Variants in LUZP2 observed in about 807,000 individuals in gnomAD.
LUZP2 encodes leucine zipper protein 2.
In LUZP2, 52 loss-of-function variants were observed where a neutral mutation model predicts 51.6. The ratio of observed to expected loss-of-function variants is 1.01; its 90% confidence interval spans 0.81 to 1.27. LUZP2 has a LOEUF of 1.27. Among genes scored for constraint, LUZP2 ranks in the 50% most tolerant of loss-of-function variants. The probability of loss-of-function intolerance (pLI) is 0.00; values close to 1 mark genes in which losing one functional copy is unlikely to be tolerated. For synonymous variants in LUZP2, 154 were observed against 137.3 expected (o/e 1.12, Z -0.85); for missense variants, 436 against 395.4 (o/e 1.10, Z -0.87).
chr11:25,050,291 CTTT>C (rs71044331), intron 10 of LUZP2, among the ~76,000 whole-genome samples, 161 bp downstream of exon 10: 1,310 of 76,794 alleles, frequency 0.017, 2 homozygotes, highest in African/African-American at 0.066. Flanking sequence ...TCTTTATGTT[CTTT>C]TTTTTTTTTT....
intron 5 of LUZP2, among the ~76,000 whole-genome samples, chr11:24,816,129 T>C (rs914476262): frequency 3.9e-5 from 6 of 152,134 alleles, no homozygotes; most frequent in East Asian, 1.9e-4. Context: ...TTTATAATGA[T>C]AAAAAATAAT....
intron 5 of LUZP2, among the ~76,000 whole-genome samples, chr11:24,882,871 A>G (rs1168855528): frequency 7.4e-6 from 1 of 135,348 alleles, no homozygotes; most frequent in African/African-American, 3.8e-5. Context: ...AGGAAGAAAG[A>G]AAATAAAGAA....
intron 5 of LUZP2, among the ~76,000 whole-genome samples, chr11:24,886,208 A>G (rs191218010): frequency 1.3e-5 from 2 of 152,312 alleles, no homozygotes; most frequent in African/African-American, 4.8e-5. Flanking sequence ...TTTAGTAAAA[A>G]TATTTAGTTT....
At chr11:24,889,062 G>T (rs1036862815) in intron 5 of LUZP2, among the ~76,000 whole-genome samples, 2 of 152,090 alleles carry the variant, frequency 1.3e-5, no homozygotes, top group Non-Finnish European at 1.5e-5. Context: ...CCAATTGAGA[G>T]GTATTCCCTA....
intron 1 of LUZP2, among the ~76,000 whole-genome samples, chr11:24,687,914 T>G (rs1441803512): frequency 6.6e-6 from 1 of 152,114 alleles, no homozygotes; most frequent in Non-Finnish European, 1.5e-5. Context: ...TAAGTTCTCT[T>G]CCTGGGCACA....
intron 1 of LUZP2, among the ~76,000 whole-genome samples, chr11:24,645,061 C>A (rs870383): frequency 6.6e-6 from 1 of 152,040 alleles, no homozygotes; most frequent in Non-Finnish European, 1.5e-5. Flanking sequence ...GTTTATTTTA[C>A]ATTCCAATCC....
At chr11:24,970,791 C>A (rs970865335) in intron 7 of LUZP2, among the ~76,000 whole-genome samples, 17 of 152,240 alleles carry the variant, frequency 1.1e-4, no homozygotes, top group Admixed American at 7.2e-4. Flanking sequence ...GAAAAAATAA[C>A]AAGTAACACC....
chr11:24,906,071 T>C lies in LUZP2; in HGVS notation c.459+18T>C. On this transcript the variant is annotated intron_variant, in intron 6 of 11. Coordinates refer to ENST00000336930, the MANE Select transcript of LUZP2 (RefSeq NM_001009909.4). ...CAGAAGAGGTGAGTAAATTTTTGCT[T>C]CTTCTAGCTTTAACCAGATAAAAAC... 1 of 1,595,126 alleles carries C rather than the reference T, an allele frequency of 6.3e-7. No homozygotes were observed. The highest frequency in any genetic ancestry group is 1.1e-5 in the South Asian group (1 of 90,276).
chr11:24,955,410 G>A (rs1590769984), intron 7 of LUZP2, among the ~76,000 whole-genome samples: 3 of 151,762 alleles, frequency 2.0e-5, no homozygotes, highest in East Asian at 1.9e-4. Context: ...TATTTTAGAG[G>A]AGTATAAAAT....
intron 4 of LUZP2, among the ~76,000 whole-genome samples, chr11:24,758,193 A>T (rs1859843019): frequency 6.6e-6 from 1 of 152,136 alleles, no homozygotes; most frequent in Non-Finnish European, 1.5e-5. Context: ...ACACATCATG[A>T]TCAATGAAGG....
chr11:24,988,985 G>C (rs1188231580), intron 9 of LUZP2, among the ~76,000 whole-genome samples: 2 of 151,748 alleles, frequency 1.3e-5, no homozygotes, highest in Non-Finnish European at 2.9e-5. Context: ...AGAAAATAGG[G>C]AGGCAGCCAT....
chr11:24,564,996 T>A (rs1852168084), intron 1 of LUZP2, among the ~76,000 whole-genome samples: 1 of 152,196 alleles, frequency 6.6e-6, no homozygotes, highest in Non-Finnish European at 1.5e-5. Context: ...GATTTGGGGA[T>A]AGACACAGGC....
At chr11:24,566,790 A>ATG (rs1852242619) in intron 1 of LUZP2, among the ~76,000 whole-genome samples, 1 of 146,066 alleles carries the variant, frequency 6.8e-6, no homozygotes, top group African/African-American at 2.5e-5. Context: ...CATATATATA[A>ATG]TGTATATATA....
At chr11:24,678,405 A>G (rs981113087) in intron 1 of LUZP2, among the ~76,000 whole-genome samples, 17 of 152,300 alleles carry the variant, frequency 1.1e-4, no homozygotes, top group African/African-American at 3.8e-4. Context: ...GAATTTCCAC[A>G]TCCTTGTATA....
At chr11:24,877,665 C>G (rs919773902) in intron 5 of LUZP2, among the ~76,000 whole-genome samples, 3 of 152,022 alleles carry the variant, frequency 2.0e-5, no homozygotes, top group Admixed American at 6.6e-5. Context: ...CCCTGTTGTG[C>G]TATCAAATAC....
intron 5 of LUZP2, among the ~76,000 whole-genome samples, chr11:24,783,707 C>T (rs1849159457): frequency 6.6e-6 from 1 of 151,958 alleles, no homozygotes; most frequent in African/African-American, 2.4e-5. Flanking sequence ...CTACTGTTTG[C>T]TCCAGCAGTG....
chr11:24,919,540 T>G (rs1446791844), intron 7 of LUZP2, among the ~76,000 whole-genome samples: 1 of 143,064 alleles, frequency 7.0e-6, no homozygotes, highest in East Asian at 2.1e-4. Context: ...ATATACTGTA[T>G]ATGTATTCTT....
intron 5 of LUZP2, among the ~76,000 whole-genome samples, chr11:24,889,450 A>G (rs1852777394): frequency 6.6e-6 from 1 of 152,188 alleles, no homozygotes; most frequent in Non-Finnish European, 1.5e-5. Flanking sequence ...CAGATAAACT[A>G]TGTGATCTGT....
At chr11:24,497,489 T>C (rs775300528) in intron 1 of LUZP2, among the ~76,000 whole-genome samples, 184 bp downstream of exon 1, 1 of 152,130 alleles carries the variant, frequency 6.6e-6, no homozygotes, top group Non-Finnish European at 1.5e-5. Flanking sequence ...TTCCTAGTTA[T>C]CCCAGCCCCC....
Sources: allele counts gnomAD v4.1 joint callset (sites outside exome capture counted in the v4.1 genomes callset), GRCh38; gene constraint gnomAD v4.1.1; transcripts MANE v1.5; gene names NCBI Gene and HGNC (gene_info 2026-07-23, HGNC 2026-07-21).